NPHS1: variants seen among roughly 807,000 people sequenced by gnomAD.
The protein encoded by NPHS1 is NPHS1 adhesion molecule, nephrin.
A neutral mutation model predicts 139.7 loss-of-function variants in NPHS1; 107 were observed. That is an observed-to-expected ratio of 0.77 (90% CI 0.66 to 0.90). The LOEUF is 0.90. Ranked by LOEUF, NPHS1 falls within the 40% of genes least tolerant of loss-of-function variation. The probability of loss-of-function intolerance (pLI) is 0.00; values close to 1 mark genes in which losing one functional copy is unlikely to be tolerated. For missense variants in NPHS1, 1,580 were observed against 1,654.2 expected, an observed-to-expected ratio of 0.96 and a Z score of 0.78; for synonymous variants, 707 against 706.6, an observed-to-expected ratio of 1.00 and a Z score of -0.01.
rs1200535267 is a variant in NPHS1 at position 35,851,803 on chromosome 19, A to G, written c.35T>C (p.Leu12Pro). The G allele has an allele frequency of 1.3e-6, 2 of 1,553,216 alleles. No homozygotes were observed. Residue 12 changes from leucine (L) to proline (P), a missense_variant, in exon 1 of 29, where the codon CTG becomes CCG. Leu to Pro is a moderately conservative substitution (Grantham distance 98). Transcript: ENST00000378910. Reference protein sequence around the residue: ...ALGTTLRASLLLLGLLTEGLA... With the variant: ...ALGTTLRASLPLLGLLTEGLA... ...ACCTTCAGTCAGCAGCCCCAGGAGCAGGAGAGAAGCCCTGAGCGTCGTCCC... is the reference window on the plus strand; with the variant it reads ...ACCTTCAGTCAGCAGCCCCAGGAGCGGGAGAGAAGCCCTGAGCGTCGTCCC...
Position 35,839,273 on chromosome 19 carries a change from C to T in NPHS1, c.3073G>A (p.Ala1025Thr). The change falls in exon 22 of 29, where the codon GCT becomes ACT. Residue 1025 changes from alanine to threonine, a missense_variant. Transcript: ENST00000378910. ...ASNALGDSGL[A>T]DKGTQLPITT... Reference sequence around the variant, plus strand: ...ATGGGAAGCTGGGTCCCTTTGTCAGCCAGTCCACTGTCCCCCAAGGCATTA... The same window carrying T: ...ATGGGAAGCTGGGTCCCTTTGTCAGTCAGTCCACTGTCCCCCAAGGCATTA... 1.2e-6 allele frequency: 2 copies of T among 1,614,202 alleles called. No individual in the cohort carries two copies.
chr19:35,840,775 ACCT>A (rs1230670654), intron 20 of NPHS1, among the ~76,000 whole-genome samples: 1 of 113,990 alleles, frequency 8.8e-6, no homozygotes, highest in Non-Finnish European at 1.8e-5. Flanking sequence ...TGCAACCTCC[ACCT>A]CCTGGGTTCA....
Position 35,842,453 on chromosome 19 carries a change from G to T in NPHS1, c.2432C>A (p.Ala811Asp). The change falls in exon 18 of 29, where the codon GCT (alanine) becomes GAT (aspartate). Residue 811 changes from alanine (A) to aspartate (D), a missense_variant. Physicochemically the swap from Ala to Asp is moderately radical, Grantham distance 126. Coordinates refer to ENST00000378910, the MANE Select transcript of NPHS1 (RefSeq NM_004646.4). Reference protein sequence around the residue: ...LRIHHAKLAQAGAYQCIVDNG... With the variant: ...LRIHHAKLAQDGAYQCIVDNG... The stretch of plus-strand genomic sequence containing the variant: ...GTCCACAATGCACTGGTAAGCGCCA[G>T]CCTGGGCCAGTTTGGCATGGTGAAT... The T allele has an allele frequency of 3.1e-6, 5 of 1,614,166 alleles. No homozygotes were observed. The highest frequency in any genetic ancestry group is 2.2e-5 in the South Asian group (2 of 91,090).
intron 15 of NPHS1, 38 bp from the exon 16 acceptor site, chr19:35,844,281 C>T (rs1973104031): frequency 6.2e-7 from 1 of 1,613,888 alleles, no homozygotes; most frequent in Admixed American, 1.7e-5. Flanking sequence ...GCAGGACCTC[C>T]CATCCCCGGG....
At chr19:35,829,703 T>A (rs1972849495) in intron 28 of NPHS1, among the ~76,000 whole-genome samples, 2 of 152,202 alleles carry the variant, frequency 1.3e-5, no homozygotes, top group East Asian at 1.9e-4. Flanking sequence ...CACATCCAGA[T>A]AATTTTTGCA....
At chr19:35,830,788 G>C in intron 28 of NPHS1, 56 bp downstream of exon 28, 1 of 1,068,544 alleles carries the variant, frequency 9.4e-7, no homozygotes, top group Non-Finnish European at 1.5e-6. Context: ...CAAGCAATAG[G>C]AGGTAGGCTC....
intron 11 of NPHS1, 160 bp downstream of exon 11, chr19:35,847,881 A>G: frequency 2.8e-6 from 2 of 706,564 alleles, no homozygotes; most frequent in Non-Finnish European, 4.6e-6. Context: ...TTCTCATAGC[A>G]TTTGTGTCTT....
At chr19:35,851,162 G>A in intron 3 of NPHS1, 73 bp from the exon 4 acceptor site, 9 of 1,612,954 alleles carry the variant, frequency 5.6e-6, no homozygotes, top group South Asian at 3.3e-5. Context: ...GGTACCCAGA[G>A]TCTGGGAGAG....
chr19:35,851,554 G>C lies in NPHS1; in HGVS notation c.177C>G (p.Gly59=), dbSNP rs747108392. 9 of 1,613,862 alleles carry C rather than the reference G, an allele frequency of 5.6e-6. No individual in the cohort carries two copies. Among genetic ancestry groups the C allele is most frequent in the Non-Finnish European group, 7.6e-6 (9 of 1,180,014 alleles). ...VELRCGVSTP[G]SAVQWAKDGL... is the part of the protein sequence containing the mutation. ...CATCTTTGGCCCATTGCACCGCACT[G>C]CCAGGGGTGCTGACCCCACAACGCA... The change falls in exon 2 of 29, where the codon GGC becomes GGG. Residue 59 remains glycine, a synonymous_variant. Transcript: ENST00000378910.
intron 11 of NPHS1, among the ~76,000 whole-genome samples, chr19:35,846,689 A>G (rs1286022019): frequency 6.6e-6 from 1 of 151,934 alleles, no homozygotes; most frequent in Non-Finnish European, 1.5e-5. Context: ...TTTTTTTATT[A>G]TTGCTGCTGC....
At chr19:35,840,570 G>A (rs1389035269) in intron 20 of NPHS1, among the ~76,000 whole-genome samples, 12 of 148,960 alleles carry the variant, frequency 8.1e-5, no homozygotes, top group South Asian at 2.1e-4. Context: ...TCCTGACCTC[G>A]TGATCCACCC....
chr19:35,843,920 TG>T, intron 16 of NPHS1, 182 bp downstream of exon 16: 1 of 832,340 alleles, frequency 1.2e-6, no homozygotes, highest in Non-Finnish European at 1.8e-6. Flanking sequence ...GATTCCACAC[TG>T]GGTCTCTCTA....
Position 35,849,083 on chromosome 19 carries a change from A to G in NPHS1, c.905T>C (p.Leu302Pro), listed in dbSNP as rs1467280942. 6.2e-7 allele frequency: 1 copy of G among 1,610,340 alleles called. No homozygotes were observed. Among genetic ancestry groups the G allele is most frequent in the Non-Finnish European group, 8.5e-7 (1 of 1,179,992 alleles). The change falls in exon 8 of 29, where the codon CTG becomes CCG. Residue 302 changes from leucine (L) to proline (P), a missense_variant. By Grantham distance (98) the Leu-to-Pro change is moderately conservative. Transcript: ENST00000378910. ...EHTQAVARSV[L>P]VMTVRPEDHG... The stretch of plus-strand genomic sequence containing the variant: ...GTCTTCTGGCCTCACGGTCATCACC[A>G]GCACACTGCGGGCCACCGCCTGGGT...
intron 5 of NPHS1, 96 bp downstream of exon 5, chr19:35,850,268 T>C: frequency 2.1e-6 from 2 of 959,578 alleles, no homozygotes; most frequent in South Asian, 1.3e-5. Context: ...CAGATGTTCA[T>C]ACCTAGCCCA....
rs759936184 is a variant in NPHS1 at position 35,844,239 on chromosome 19, G to T, written c.2076C>A (p.Gly692=). 9 of 1,613,096 alleles carry T rather than the reference G, an allele frequency of 5.6e-6. No homozygotes were observed. Among genetic ancestry groups the T allele is most frequent in the Non-Finnish European group, 7.6e-6 (9 of 1,179,888 alleles). ...TGGACAGGATGCGATGCCGGGGGCC[G>T]CCCGCTGGGGAAGGCCAGAATAAGG... ...TFRGYRLSPA[G]GPRHRILSSG... The change falls in exon 16 of 29, where the codon GGC becomes GGA. Residue 692 remains glycine, a synonymous_variant. Transcript: ENST00000378910.
chr19:35,836,764 G>A (rs554322981), intron 22 of NPHS1, among the ~76,000 whole-genome samples: 2 of 151,974 alleles, frequency 1.3e-5, no homozygotes, highest in African/African-American at 4.8e-5. Flanking sequence ...AGAGACTGAG[G>A]CAGGTGGATC....
intron 16 of NPHS1, 200 bp downstream of exon 16, chr19:35,843,903 G>C (rs540621979): frequency 3.9e-6 from 3 of 774,854 alleles, no homozygotes; most frequent in African/African-American, 3.5e-5. Context: ...CACCCTCTCT[G>C]GGCAGAGATT....
chr19:35,845,961 C>G lies in NPHS1; in HGVS notation c.1627+47G>C. The G allele has an allele frequency of 6.5e-7, 1 of 1,541,836 alleles. No homozygotes were observed. The highest frequency in any genetic ancestry group is 2.4e-5 in the East Asian group (1 of 40,868). ...CGCTGGGTCCCTGCCCCACCTGGCTCTGTCCCTCCCGCCCCGCCCCCGGGC... is the reference window on the plus strand; with the variant it reads ...CGCTGGGTCCCTGCCCCACCTGGCTGTGTCCCTCCCGCCCCGCCCCCGGGC... On this transcript the variant is annotated intron_variant, in intron 12 of 28. Transcript: ENST00000378910. The surrounding 1 kb of genome is among the most constrained non-coding windows in gnomAD (Gnocchi z 5.5).
chr19:35,849,235 C>A lies in NPHS1; in HGVS notation c.840+1G>T, dbSNP rs1374214589. The A allele has an allele frequency of 1.9e-6, 3 of 1,613,914 alleles. No homozygotes were observed. Among genetic ancestry groups the A allele is most frequent in the South Asian group, 2.2e-5 (2 of 91,080 alleles). On this transcript the variant is annotated splice_donor_variant, in intron 7 of 28. Transcript: ENST00000378910. LOFTEE classifies it high-confidence loss of function. ...TTCCCCATGCCCGCGTTTGCCCTCA[C>A]CTTCAGCCACTGCAGTGTGGCTAAG...
Sources: allele counts gnomAD v4.1 joint callset (sites outside exome capture counted in the v4.1 genomes callset), GRCh38; gene constraint gnomAD v4.1.1; non-coding constraint Gnocchi (gnomAD v3.1); transcripts MANE v1.5; gene names NCBI Gene and HGNC (gene_info 2026-07-23, HGNC 2026-07-21).